Variants in H2BC18 observed in about 807,000 individuals in gnomAD.
H2BC18 encodes the protein histone H2B type 2-F.
Under a neutral mutation model 6.3 loss-of-function variants are expected in H2BC18, and 8 were observed. The observed-to-expected ratio is 1.28, with a 90% CI of 0.75 to 2.31. H2BC18 has a LOEUF of 2.31. H2BC18 is among the 30% of genes most tolerant of loss of function. H2BC18 has a pLI of 0.00. For missense variants in H2BC18, 106 were observed against 174.5 expected (o/e 0.61, Z 2.21); for synonymous variants, 104 against 78.1 (o/e 1.33, Z -1.75).
downstream of H2BC18, among the ~76,000 whole-genome samples, chr1:149,807,205 C>A (rs587757115): frequency 6.6e-6 from 1 of 152,244 alleles, no homozygotes; most frequent in South Asian, 2.1e-4. Flanking sequence ...TATTCACTCA[C>A]CAGCCTAATA....
intron 1 of H2BC18, chr1:149,784,355 G>C: frequency 6.2e-7 from 1 of 1,609,094 alleles, no homozygotes; most frequent in South Asian, 1.1e-5. Flanking sequence ...GATTTATCTG[G>C]GTGCAGGTCT....
Position 149,812,360 on chromosome 1 carries a change from T to C in H2BC18, c.-37A>G. On this transcript the variant is annotated 5_prime_UTR_variant, in exon 1 of 1. Transcript: ENST00000369167. ...AAAAGAGAAAAGAGACTTAAAGAAG[T>C]AATCCGAACTACCGCAAAACGGGCT... is the stretch of plus-strand genomic sequence containing the variant. 2 of 1,613,846 alleles carry C rather than the reference T, an allele frequency of 1.2e-6. No homozygotes were observed. Among genetic ancestry groups the C allele is most frequent in the East Asian group, 2.2e-5 (1 of 44,884 alleles).
At chr1:149,797,853 T>G (rs1167483439) in intron 1 of H2BC18, among the ~76,000 whole-genome samples, 2 of 152,170 alleles carry the variant, frequency 1.3e-5, no homozygotes, top group Non-Finnish European at 2.9e-5. Context: ...GCCAAGGCGA[T>G]CTGCCTACCA....
downstream of H2BC18, among the ~76,000 whole-genome samples, chr1:149,806,966 G>T (rs1265665418): frequency 6.6e-6 from 1 of 152,084 alleles, no homozygotes; most frequent in Non-Finnish European, 1.5e-5. Context: ...GGAATGATAT[G>T]ATCTGACTTA....
chr1:149,804,505 T>C (rs1205513057), intron 1 of H2BC18, among the ~76,000 whole-genome samples: 6 of 152,242 alleles, frequency 3.9e-5, no homozygotes, highest in East Asian at 1.9e-4. Context: ...CTTAGGGAAG[T>C]CACTCTCAAG....
intron 1 of H2BC18, among the ~76,000 whole-genome samples, chr1:149,790,612 T>C (rs1348833492): frequency 6.6e-6 from 1 of 150,976 alleles, no homozygotes; most frequent in Non-Finnish European, 1.5e-5. Flanking sequence ...TTTTTCTCCT[T>C]CATTTTATTT....
At chr1:149,797,504 T>G (rs1222873096) in intron 1 of H2BC18, among the ~76,000 whole-genome samples, 3 of 152,222 alleles carry the variant, frequency 2.0e-5, no homozygotes, top group Non-Finnish European at 4.4e-5. Context: ...TAAATTCCAT[T>G]TTGGTGGAAT....
At chr1:149,791,506 G>A in intron 1 of H2BC18, 2 of 1,610,146 alleles carry the variant, frequency 1.2e-6, no homozygotes, top group Non-Finnish European at 8.5e-7. Context: ...GGAGCCCCAG[G>A]GGGCCACGTA....
chr1:149,807,521 G>A (rs1222036531), downstream of H2BC18, among the ~76,000 whole-genome samples: 2 of 66,746 alleles, frequency 3.0e-5, 1 homozygote, highest in Non-Finnish European at 5.8e-5. Flanking sequence ...CGGGGGGGGG[G>A]GGGGGCGGGC....
chr1:149,797,851 G>A (rs1459907868), intron 1 of H2BC18, among the ~76,000 whole-genome samples: 10 of 152,098 alleles, frequency 6.6e-5, no homozygotes, highest in Non-Finnish European at 1.5e-5. Flanking sequence ...AGGCCAAGGC[G>A]ATCTGCCTAC....
At position 149,812,114 on chromosome 1, in the gene H2BC18, G is replaced by A. The variant is rs782343710; in HGVS notation, c.210C>T (p.Ile70=). ...MGIMNSFVND[I]FERIAGEASR... ...ACGCCTCTCCCGCGATGCGCTCGAA[G>A]ATGTCGTTGACGAAGGAGTTCATGA... The change falls in exon 1 of 1, where the codon ATC becomes ATT. Residue 70 remains isoleucine, a synonymous_variant. Transcript: ENST00000369167. The A allele has an allele frequency of 1.2e-6, 2 of 1,614,286 alleles. No individual in the cohort carries two copies. The highest frequency in any genetic ancestry group is 1.7e-6 in the Non-Finnish European group (2 of 1,180,050).
intron 1 of H2BC18, among the ~76,000 whole-genome samples, chr1:149,803,002 T>C (rs587649085): frequency 6.6e-5 from 10 of 152,300 alleles, no homozygotes; most frequent in Non-Finnish European, 1.5e-4. Context: ...GTTAATCTCC[T>C]CTGGTAACAC....
chr1:149,788,569 A>G (rs2091612979), intron 1 of H2BC18: 5 of 1,614,004 alleles, frequency 3.1e-6, no homozygotes, highest in Admixed American at 1.7e-5. Context: ...TTGCTCAGGC[A>G]TGGGAAAGCA....
downstream of H2BC18, among the ~76,000 whole-genome samples, chr1:149,808,195 A>C (rs1267227587): frequency 1.3e-5 from 2 of 152,208 alleles, no homozygotes; most frequent in Non-Finnish European, 2.9e-5. Flanking sequence ...TACAGTAAAA[A>C]CTGGGTAAAA....
intron 1 of H2BC18, among the ~76,000 whole-genome samples, chr1:149,785,403 G>C (rs1368718431): frequency 3.5e-5 from 3 of 86,540 alleles, no homozygotes; most frequent in African/African-American, 8.7e-5. Context: ...TGACAGAGCT[G>C]TTTCGTTTTT....
intron 1 of H2BC18, among the ~76,000 whole-genome samples, chr1:149,806,826 T>G (rs587682318): frequency 3.3e-5 from 5 of 152,262 alleles, no homozygotes; most frequent in Admixed American, 2.6e-4. Flanking sequence ...AGGGCCTTGA[T>G]GTATTCAAGG....
At chr1:149,795,372 CAAGAA>C (rs2091789433) in intron 1 of H2BC18, among the ~76,000 whole-genome samples, 1 of 138,062 alleles carries the variant, frequency 7.2e-6, no homozygotes, top group Non-Finnish European at 1.6e-5. Flanking sequence ...TTATTCACTC[CAAGAA>C]AAGTAAAAGC....
chr1:149,806,594 CAA>C (rs781839663), intron 1 of H2BC18, among the ~76,000 whole-genome samples: 1 of 130,598 alleles, frequency 7.7e-6, no homozygotes. Context: ...GACTCCGTCT[CAA>C]AAAAAAAAAA....
At position 149,797,443 on chromosome 1, in the gene H2BC18, G is replaced by A. The variant is rs183234857; in HGVS notation, c.378-14183C>T. ...TGTGCTTTTTCAATAGTAAGTTTAC[G>A]GAAGGATTAACTCTTAATTTTCTTT... On this transcript the variant is annotated intron_variant, in intron 1 of 1. Transcript: ENST00000545683. 2.1e-3 allele frequency among the ~76,000 whole-genome samples: 324 copies of A among 151,780 alleles called. 2 individuals are homozygous for A. Among genetic ancestry groups the A allele is most frequent in the Non-Finnish European group, 7.9e-4 (54 of 67,938 alleles).
Sources: gnomAD v4.1 joint callset for allele counts (sites outside exome capture counted in the v4.1 genomes callset) on GRCh38, gnomAD v4.1.1 for gene constraint, MANE v1.5 for transcripts, NCBI Gene and HGNC (gene_info 2026-07-23, HGNC 2026-07-21) for gene names.